Variants in PCDHA9 observed in about 807,000 individuals in gnomAD.
PCDHA9 encodes the protein protocadherin alpha-9.
Under a neutral mutation model 62.0 loss-of-function variants are expected in PCDHA9, and 62 were observed. That is an observed-to-expected ratio of 1.00 (90% confidence interval 0.81 to 1.23). The LOEUF is 1.23. PCDHA9 is among the 50% of genes most tolerant of loss of function. PCDHA9 has a pLI of 0.00. For missense variants in PCDHA9, 1,205 were observed against 1,249.8 expected (o/e 0.96, Z 0.54); for synonymous variants, 557 against 567.6 (o/e 0.98, Z 0.27).
Position 140,850,352 on chromosome 5 carries a change from C to A in PCDHA9, c.1857C>A (p.Ser619Arg). 1 of 1,597,824 alleles carries A rather than the reference C, an allele frequency of 6.3e-7. No homozygotes were observed. Among genetic ancestry groups the A allele is most frequent in the Non-Finnish European group, 8.6e-7 (1 of 1,167,700 alleles). Reference sequence around the variant, plus strand: ...TGCAGCCAGAAACGGCCAGCGCGAGCATCCCGTTCCGCGTGGGGCTGTACA... The same window carrying A: ...TGCAGCCAGAAACGGCCAGCGCGAGAATCCCGTTCCGCGTGGGGCTGTACA... ...YELQPETASA[S>R]IPFRVGLYTG... is the part of the protein sequence containing the mutation. Residue 619 changes from serine (S) to arginine (R), a missense_variant, in exon 1 of 4, where the codon AGC becomes AGA. Physicochemically the swap from Ser to Arg is moderately radical, Grantham distance 110. Coordinates refer to ENST00000532602, the MANE Select transcript of PCDHA9 (RefSeq NM_031857.2).
chr5:141,001,395 A>G (rs1331071816), intron 3 of PCDHA9, among the ~76,000 whole-genome samples: 1 of 152,202 alleles, frequency 6.6e-6, no homozygotes. Flanking sequence ...TCCTACAGAG[A>G]ACAGGGAGTA....
intron 1 of PCDHA9, among the ~76,000 whole-genome samples, chr5:140,906,981 G>A (rs1554192831): frequency 6.6e-6 from 1 of 152,122 alleles, no homozygotes; most frequent in Non-Finnish European, 1.5e-5. Flanking sequence ...GTCTTCTGGT[G>A]GCAGCATTCC....
intron 1 of PCDHA9, chr5:140,857,907 C>G (rs1250345336): frequency 1.3e-6 from 2 of 1,597,680 alleles, no homozygotes. Flanking sequence ...GCACGCATCC[C>G]GTTTCGCGTG....
chr5:141,000,163 A>G (rs2097894710), intron 3 of PCDHA9, among the ~76,000 whole-genome samples: 1 of 152,054 alleles, frequency 6.6e-6, no homozygotes, highest in African/African-American at 2.4e-5. Context: ...AAACTATTTG[A>G]TTATTGAGCC....
intron 1 of PCDHA9, among the ~76,000 whole-genome samples, chr5:140,951,897 G>A (rs2094651245): frequency 6.6e-6 from 1 of 152,106 alleles, no homozygotes; most frequent in Non-Finnish European, 1.5e-5. Context: ...CTGCCTATGA[G>A]CCTGTAAAAT....
chr5:140,849,878 G>T lies in PCDHA9; in HGVS notation c.1383G>T (p.Thr461=), dbSNP rs558218817. The T allele has an allele frequency of 6.3e-7, 1 of 1,598,486 alleles. No individual in the cohort carries two copies. The highest frequency in any genetic ancestry group is 2.2e-5 in the East Asian group (1 of 44,864). ...CAGCGTTCGCGCAGTCCGAGTACAC[G>T]GTGTTCGTGAAGGAGAACAACCCGC... is the stretch of plus-strand genomic sequence containing the variant. ...NAPAFAQSEY[T]VFVKENNPPG... Residue 461 remains threonine, a synonymous_variant, in exon 1 of 4, where the codon ACG becomes ACT. Coordinates refer to ENST00000532602, the MANE Select transcript of PCDHA9 (RefSeq NM_031857.2).
intron 1 of PCDHA9, among the ~76,000 whole-genome samples, chr5:140,936,151 C>G (rs947807537): frequency 6.6e-6 from 1 of 152,128 alleles, no homozygotes; most frequent in Non-Finnish European, 1.5e-5. Context: ...CCTTGGCCTC[C>G]TAAAGTGCTG....
chr5:140,986,853 A>G (rs1424493333), intron 3 of PCDHA9, among the ~76,000 whole-genome samples: 3 of 152,206 alleles, frequency 2.0e-5, no homozygotes, highest in Admixed American at 6.5e-5. Flanking sequence ...AGCAACACCA[A>G]CAATACCCGG....
chr5:140,996,111 G>C (rs981356405), intron 3 of PCDHA9, among the ~76,000 whole-genome samples: 1 of 152,220 alleles, frequency 6.6e-6, no homozygotes, highest in East Asian at 1.9e-4. Context: ...GTATGGAAGT[G>C]TGCAGGGTGG....
In PCDHA9 at chr5:141,009,849, C is replaced by G; in HGVS notation, c.2765C>G (p.Thr922Ser). The change falls in exon 4 of 4, where the codon ACC (threonine) becomes AGC (serine). Residue 922 changes from threonine (T) to serine (S), a missense_variant. Physicochemically the swap from Thr to Ser is moderately conservative, Grantham distance 58. Around this residue, in one of 3 missense-constraint regions of PCDHA9, gnomAD observed 887 missense variants for 809.5 expected, o/e 1.10. Coordinates refer to ENST00000532602, the MANE Select transcript of PCDHA9 (RefSeq NM_031857.2). ...ATAACCTTCGGCAAAAAGGAGGAGA[C>G]CAAGAAAAAGAAGAAAAAGAAGAAG... ...DFITFGKKEE[T>S]KKKKKKKKGN... 1 of 1,613,364 alleles carries G rather than the reference C, an allele frequency of 6.2e-7. No homozygotes were observed. The highest frequency in any genetic ancestry group is 8.5e-7 in the Non-Finnish European group (1 of 1,179,856).
intron 1 of PCDHA9, chr5:140,884,638 G>C: frequency 6.2e-7 from 1 of 1,610,712 alleles, no homozygotes; most frequent in South Asian, 1.1e-5. Context: ...GCCAGAGGGA[G>C]GAGGACTCAG....
At chr5:140,854,274 T>A in intron 1 of PCDHA9, 1 of 562,280 alleles carries the variant, frequency 1.8e-6, no homozygotes, top group Non-Finnish European at 2.3e-6. Context: ...TAGTAGAAAT[T>A]GAGTTTAGTT....
chr5:140,872,606 A>T (rs905903091), intron 1 of PCDHA9, among the ~76,000 whole-genome samples: 4 of 151,888 alleles, frequency 2.6e-5, no homozygotes, highest in Non-Finnish European at 4.4e-5. Context: ...TGAAAAAATA[A>T]TTTTTTTTGC....
At chr5:140,918,560 G>A (rs1243205653) in intron 1 of PCDHA9, among the ~76,000 whole-genome samples, 1 of 152,180 alleles carries the variant, frequency 6.6e-6, no homozygotes, top group Non-Finnish European at 1.5e-5. Context: ...TGAGAAGAAT[G>A]TATATTATGC....
At position 141,009,850 on chromosome 5, in the gene PCDHA9, CAAGAAAAAG is replaced by C. The variant is rs782749911; in HGVS notation, c.2781_2789del (p.Lys928_Lys930del). 6.2e-6 allele frequency: 10 copies of C among 1,613,454 alleles called. No individual in the cohort carries two copies. The highest frequency in any genetic ancestry group is 1.7e-5 in the Admixed American group (1 of 59,950). ...TAACCTTCGGCAAAAAGGAGGAGAC[CAAGAAAAAG>C]AAGAAAAAGAAGAAGGGTAACAAGA... is the stretch of plus-strand genomic sequence containing the variant. On this transcript the variant is annotated inframe_deletion, in exon 4 of 4. Coordinates refer to ENST00000532602, the MANE Select transcript of PCDHA9 (RefSeq NM_031857.2).
intron 1 of PCDHA9, chr5:140,926,803 C>T (rs2083562434): frequency 6.9e-7 from 1 of 1,454,300 alleles, no homozygotes; most frequent in Non-Finnish European, 9.0e-7. Flanking sequence ...GTGCTCTTCC[C>T]CGCGGCTCGT....
At chr5:140,875,982 T>A (rs782696437) in intron 1 of PCDHA9, 7 of 1,614,008 alleles carry the variant, frequency 4.3e-6, no homozygotes, top group Non-Finnish European at 5.9e-6. Context: ...TTTTGACCTA[T>A]GCGTTAAGTC....
chr5:140,853,994 C>T (rs1157670229), intron 1 of PCDHA9: 36 of 477,606 alleles, frequency 7.5e-5, no homozygotes, highest in Non-Finnish European at 9.6e-5. Flanking sequence ...TGAGACTCAT[C>T]TCTGCCAAAA....
At chr5:140,965,356 A>T (rs1554227617) in intron 1 of PCDHA9, among the ~76,000 whole-genome samples, 3 of 152,194 alleles carry the variant, frequency 2.0e-5, no homozygotes, top group African/African-American at 7.2e-5. Flanking sequence ...CCTCTATAGC[A>T]GTACAAGAGG....
Sources: allele counts gnomAD v4.1 joint callset (sites outside exome capture counted in the v4.1 genomes callset), GRCh38; gene constraint gnomAD v4.1.1; regional missense constraint gnomAD v4.1.1; transcripts MANE v1.5; gene names NCBI Gene and HGNC (gene_info 2026-07-23, HGNC 2026-07-21).